The following TEX44 variants were observed in gnomAD, a reference collection of about 807,000 sequenced individuals.
TEX44 encodes the protein testis expressed 44.
For missense variants in TEX44, 487 were observed against 509.6 expected (o/e 0.96, Z 0.43); for synonymous variants, 196 against 205.9 (o/e 0.95, Z 0.41).
Position 231,593,681 on chromosome 2 carries a change from T to G in TEX44, c.730T>G (p.Ser244Ala). 1 of 1,612,556 alleles carries G rather than the reference T, an allele frequency of 6.2e-7. No individual in the cohort carries two copies. The highest frequency in any genetic ancestry group is 8.5e-7 in the Non-Finnish European group (1 of 1,180,008). The change falls in exon 1 of 1, where the codon TCC becomes GCC. Residue 244 changes from serine to alanine, a missense_variant. Transcript: ENST00000313965. Reference protein sequence around the residue: ...FFPPPPAGSVSPSPGPHEVAL... With the variant: ...FFPPPPAGSVAPSPGPHEVAL... Reference sequence around the variant, plus strand: ...CCCTCCACCTCCAGCAGGCAGTGTGTCCCCGTCGCCTGGCCCCCACGAGGT... The same window carrying G: ...CCCTCCACCTCCAGCAGGCAGTGTGGCCCCGTCGCCTGGCCCCCACGAGGT...
In TEX44 at chr2:231,593,944, C is replaced by T. The variant is rs1180654846; in HGVS notation, c.993C>T (p.Val331=). The change falls in exon 1 of 1, where the codon GTC becomes GTT. Residue 331 remains valine, a synonymous_variant. Transcript: ENST00000313965. Reference sequence around the variant, plus strand: ...GCTCGGGGCCCAGCTTGCGCTCGGTCCCCAGCCTGGTGGGAAGCGTCAGCT... The same window carrying T: ...GCTCGGGGCCCAGCTTGCGCTCGGTTCCCAGCCTGGTGGGAAGCGTCAGCT... ...LHSSGPSLRS[V]PSLVGSVSSA... is the part of the protein sequence containing the mutation. 3 of 1,609,702 alleles carry T rather than the reference C, an allele frequency of 1.9e-6. No homozygotes were observed. Among genetic ancestry groups the T allele is most frequent in the Non-Finnish European group, 2.5e-6 (3 of 1,179,978 alleles).
At position 231,593,831 on chromosome 2, in the gene TEX44, C is replaced by T; in HGVS notation, c.880C>T (p.Leu294=). The T allele has an allele frequency of 6.2e-7, 1 of 1,611,488 alleles. No homozygotes were observed. Among genetic ancestry groups the T allele is most frequent in the Non-Finnish European group, 8.5e-7 (1 of 1,180,010 alleles). Residue 294 remains leucine (L), a synonymous_variant, in exon 1 of 1, where the codon CTG becomes TTG. Coordinates refer to ENST00000313965, the MANE Select transcript of TEX44 (RefSeq NM_152614.3). Reference sequence around the variant, plus strand: ...CTCCATCAGCTCCCTGGCAGACATCCTGGTGTGGTCCGAGACCACCATGGG... The same window carrying T: ...CTCCATCAGCTCCCTGGCAGACATCTTGGTGTGGTCCGAGACCACCATGGG... The part of the protein sequence containing the change: ...EGSISSLADI[L]VWSETTMGMA...
At position 231,593,301 on chromosome 2, in the gene TEX44, C is replaced by A; in HGVS notation, c.350C>A (p.Thr117Lys). The A allele has an allele frequency of 6.2e-7, 1 of 1,614,180 alleles. No individual in the cohort carries two copies. Among genetic ancestry groups the A allele is most frequent in the East Asian group, 2.2e-5 (1 of 44,890 alleles). ...GACAGGCAGGTTCAAGACGCAAGGA[C>A]AAGTCAGAGTCTAGTGGTTTTCCCA... ...AWDRQVQDAR[T>K]SQSLVVFPSH... Residue 117 changes from threonine (T) to lysine (K), a missense_variant, in exon 1 of 1, where the codon ACA becomes AAA. Thr to Lys is a moderately conservative substitution (Grantham distance 78, BLOSUM62 -1). Coordinates refer to ENST00000313965, the MANE Select transcript of TEX44 (RefSeq NM_152614.3).
chr2:231,593,991 T>G lies in TEX44; in HGVS notation c.1040T>G (p.Val347Gly), dbSNP rs779081839. 39 of 1,610,698 alleles carry G rather than the reference T, an allele frequency of 2.4e-5. No homozygotes were observed. Among genetic ancestry groups the G allele is most frequent in the Non-Finnish European group, 3.2e-5 (38 of 1,179,984 alleles). ...SVSSAFSSGL[V>G]SGTSSALRTI... The stretch of plus-strand genomic sequence containing the variant: ...AGCTCGGCCTTCTCCTCTGGGCTGG[T>G]GTCAGGGACCAGCTCAGCCCTGCGC... The change falls in exon 1 of 1, where the codon GTG becomes GGG. Residue 347 changes from valine (V) to glycine (G), a missense_variant. Val to Gly is a moderately radical substitution (Grantham distance 109). Transcript: ENST00000313965.
In TEX44 at chr2:231,593,447, C is replaced by G; in HGVS notation, c.496C>G (p.Pro166Ala). The G allele has an allele frequency of 6.2e-7, 1 of 1,614,216 alleles. No individual in the cohort carries two copies. The highest frequency in any genetic ancestry group is 1.1e-5 in the South Asian group (1 of 91,088). ...LQSTQHMEAQ[P>A]VESDADHVTA... ...GTCCACCCAGCACATGGAGGCTCAG[C>G]CCGTCGAGAGTGATGCTGACCATGT... Residue 166 changes from proline to alanine, a missense_variant, in exon 1 of 1, where the codon CCC becomes GCC. Transcript: ENST00000313965.
chr2:231,594,137 T>C lies in TEX44; in HGVS notation c.1186T>C (p.Ter396GlnextTer?). The change falls in exon 1 of 1, where the codon TAG becomes CAG. Residue 396 changes from the stop codon to glutamine, a stop_lost. Transcript: ENST00000313965. ...RQAQADPNYD[*>Q] ...GGCCCAGGCTGACCCCAACTATGAT[T>C]AGAGCCCTGCACAGGGACCCCCGAA... 6.2e-7 allele frequency: 1 copy of C among 1,612,424 alleles called. No individual in the cohort carries two copies. Among genetic ancestry groups the C allele is most frequent in the Non-Finnish European group, 8.5e-7 (1 of 1,179,552 alleles).
Position 231,593,509 on chromosome 2 carries a change from T to G in TEX44, c.558T>G (p.Ala186=). The G allele has an allele frequency of 1.2e-6, 2 of 1,614,134 alleles. No homozygotes were observed. Among genetic ancestry groups the G allele is most frequent in the Middle Eastern group, 1.6e-4 (1 of 6,062 alleles). Residue 186 remains alanine (A), a synonymous_variant, in exon 1 of 1, where the codon GCT becomes GCG. Coordinates refer to ENST00000313965, the MANE Select transcript of TEX44 (RefSeq NM_152614.3). ...CCAATGGCCAGCATGGCCCTCAGGCTGCCAGCACCACCAAGTCTGCTGAGG... is the reference window on the plus strand; with the variant it reads ...CCAATGGCCAGCATGGCCCTCAGGCGGCCAGCACCACCAAGTCTGCTGAGG... ...AGANGQHGPQ[A]ASTTKSAEEK... is the part of the protein sequence containing the mutation.
Position 231,594,102 on chromosome 2 carries a change from C to A in TEX44, c.1151C>A (p.Thr384Asn), listed in dbSNP as rs2047783691. Residue 384 changes from threonine to asparagine, a missense_variant, in exon 1 of 1, where the codon ACC becomes AAC. Thr to Asn is a moderately conservative substitution (Grantham distance 65). Transcript: ENST00000313965. ...SAMRYLTSHLTPRQAQADPNY... is the reference protein window; with the variant it reads ...SAMRYLTSHLNPRQAQADPNY... Reference sequence around the variant, plus strand: ...ATGCGCTACCTGACCAGCCACCTCACCCCACGCCAGGCCCAGGCTGACCCC... The same window carrying A: ...ATGCGCTACCTGACCAGCCACCTCAACCCACGCCAGGCCCAGGCTGACCCC... 3.1e-6 allele frequency: 5 copies of A among 1,611,458 alleles called. No individual in the cohort carries two copies. Among genetic ancestry groups the A allele is most frequent in the Non-Finnish European group, 4.2e-6 (5 of 1,179,984 alleles).
chr2:231,594,263 C>T lies in TEX44; in HGVS notation c.*124C>T, dbSNP rs986324745. On this transcript the variant is annotated 3_prime_UTR_variant, in exon 1 of 1. Transcript: ENST00000313965. ...TTCCCCCAGCCCATGCAATAAATCA[C>T]CAGTGAGCATTTATTTCTAAGCACC... 1 of 793,556 alleles carries T rather than the reference C, an allele frequency of 1.3e-6. No individual in the cohort carries two copies. The highest frequency in any genetic ancestry group is 2.0e-6 in the Non-Finnish European group (1 of 497,820). 49.2% of individuals were successfully genotyped at this position (793,556 alleles called of 1,614,324 possible).
In TEX44 at chr2:231,593,666, C is replaced by T. The variant is rs146470940; in HGVS notation, c.715C>T (p.Pro239Ser). The T allele has an allele frequency of 1.9e-6, 3 of 1,613,302 alleles. No individual in the cohort carries two copies. The highest frequency in any genetic ancestry group is 2.5e-6 in the Non-Finnish European group (3 of 1,180,026). ...GCAGACTTGGTTCTTCCCTCCACCT[C>T]CAGCAGGCAGTGTGTCCCCGTCGCC... The part of the protein sequence containing the change: ...DLQTWFFPPP[P>S]AGSVSPSPGP... Residue 239 changes from proline to serine, a missense_variant, in exon 1 of 1, where the codon CCA becomes TCA. Pro to Ser is a moderately conservative substitution (Grantham distance 74). Coordinates refer to ENST00000313965, the MANE Select transcript of TEX44 (RefSeq NM_152614.3).
At position 231,594,144 on chromosome 2, in the gene TEX44, C is replaced by G; in HGVS notation, c.*5C>G. The G allele has an allele frequency of 6.2e-7, 1 of 1,611,068 alleles. No homozygotes were observed. Among genetic ancestry groups the G allele is most frequent in the Non-Finnish European group, 8.5e-7 (1 of 1,178,566 alleles). On this transcript the variant is annotated 3_prime_UTR_variant, in exon 1 of 1. Transcript: ENST00000313965. ...GCTGACCCCAACTATGATTAGAGCC[C>G]TGCACAGGGACCCCCGAAGGGCTGG...
rs1324355799 is a variant in TEX44 at position 231,593,007 on chromosome 2, G to C, written c.56G>C (p.Ser19Thr). Reference protein sequence around the residue: ...GNVDDSRSKDSPAGEPQGQVP... With the variant: ...GNVDDSRSKDTPAGEPQGQVP... ...GTGGATGACAGCAGGTCTAAGGACA[G>C]CCCAGCAGGAGAGCCCCAAGGTCAG... The change falls in exon 1 of 1, where the codon AGC (serine) becomes ACC (threonine). Residue 19 changes from serine (S) to threonine (T), a missense_variant. Transcript: ENST00000313965. 2 of 1,614,084 alleles carry C rather than the reference G, an allele frequency of 1.2e-6. No individual in the cohort carries two copies. The highest frequency in any genetic ancestry group is 1.7e-6 in the Non-Finnish European group (2 of 1,180,006).
Position 231,593,560 on chromosome 2 carries a change from A to G in TEX44, c.609A>G (p.Pro203=). 1 of 1,613,910 alleles carries G rather than the reference A, an allele frequency of 6.2e-7. No individual in the cohort carries two copies. The highest frequency in any genetic ancestry group is 8.5e-7 in the Non-Finnish European group (1 of 1,179,950). ...AEEKAEHPKA[P]HPEAEALPSD... Reference sequence around the variant, plus strand: ...AGAAAGCTGAGCATCCAAAGGCCCCACACCCTGAAGCTGAAGCTTTACCAT... The same window carrying G: ...AGAAAGCTGAGCATCCAAAGGCCCCGCACCCTGAAGCTGAAGCTTTACCAT... Residue 203 remains proline (P), a synonymous_variant, in exon 1 of 1, where the codon CCA becomes CCG. Transcript: ENST00000313965.
At chr2:231,592,953 TG>T in the TEX44 span, 1 of 1,613,014 alleles carries the variant, frequency 6.2e-7, no homozygotes, top group Non-Finnish European at 8.5e-7. Flanking sequence ...GCCCCATACA[TG>T]GCACTCCCAG....
At position 231,593,996 on chromosome 2, in the gene TEX44, G is replaced by A. The variant is rs755461995; in HGVS notation, c.1045G>A (p.Gly349Arg). ...GGCCTTCTCCTCTGGGCTGGTGTCA[G>A]GGACCAGCTCAGCCCTGCGCACCAT... ...SSAFSSGLVSGTSSALRTITR... is the reference protein window; with the variant it reads ...SSAFSSGLVSRTSSALRTITR... Residue 349 changes from glycine to arginine, a missense_variant, in exon 1 of 1, where the codon GGG becomes AGG. Physicochemically the swap from Gly to Arg is moderately radical, Grantham distance 125. Transcript: ENST00000313965. 3.7e-6 allele frequency: 6 copies of A among 1,611,036 alleles called. No homozygotes were observed. Among genetic ancestry groups the A allele is most frequent in the Middle Eastern group, 1.6e-4 (1 of 6,062 alleles).
In TEX44 at chr2:231,592,881, C is replaced by G. The variant is rs1383231620; in HGVS notation, c.-71C>G. 66 of 1,307,860 alleles carry G rather than the reference C, an allele frequency of 5.0e-5. No homozygotes were observed. Among genetic ancestry groups the G allele is most frequent in the Admixed American group, 1.8e-5 (1 of 54,818 alleles). The allele number at this position is 1,307,860 out of a possible 1,614,324, so 81.0% of individuals were successfully genotyped here. A position where few individuals can be genotyped will look rare whatever the true frequency, so the allele number is the denominator to read the frequency against. ...TTGCAGCCACTCCCTCCAACCGCCA[C>G]AAGCAGCAAAGGGCATAGATGACCA... On this transcript the variant is annotated 5_prime_UTR_variant, in exon 1 of 1. Coordinates refer to ENST00000313965, the MANE Select transcript of TEX44 (RefSeq NM_152614.3).
chr2:231,594,055 C>T lies in TEX44; in HGVS notation c.1104C>T (p.Thr368=), dbSNP rs760869633. Reference sequence around the variant, plus strand: ...TGCTGGAGACAGTGGAGCAGAGGACCGTGGAGGGCATCCGCTCAGCCATGC... The same window carrying T: ...TGCTGGAGACAGTGGAGCAGAGGACTGTGGAGGGCATCCGCTCAGCCATGC... ...TRVLETVEQR[T]VEGIRSAMRY... Residue 368 remains threonine, a synonymous_variant, in exon 1 of 1, where the codon ACC becomes ACT. Transcript: ENST00000313965. The T allele has an allele frequency of 1.6e-5, 26 of 1,612,202 alleles. No homozygotes were observed. The highest frequency in any genetic ancestry group is 5.0e-5 in the Admixed American group (3 of 59,970).
chr2:231,594,198 C>T lies in TEX44; in HGVS notation c.*59C>T, dbSNP rs2047784516. 7.1e-7 allele frequency: 1 copy of T among 1,412,688 alleles called. No individual in the cohort carries two copies. The highest frequency in any genetic ancestry group is 1.4e-5 in the African/African-American group (1 of 70,230). The allele number at this position is 1,412,688 out of a possible 1,614,324, so 87.5% of individuals were successfully genotyped here. A position where few individuals can be genotyped will look rare whatever the true frequency, so the allele number is the denominator to read the frequency against. ...AGTGGCCTCCAGAGATCCCTGGGAC[C>T]CTCACGCCCTGCTCCCTTGCCCATT... On this transcript the variant is annotated 3_prime_UTR_variant, in exon 1 of 1. Transcript: ENST00000313965.
chr2:231,593,434 C>T lies in TEX44; in HGVS notation c.483C>T (p.His161=). The T allele has an allele frequency of 6.2e-7, 1 of 1,614,248 alleles. No individual in the cohort carries two copies. The change falls in exon 1 of 1, where the codon CAC becomes CAT. Residue 161 remains histidine, a synonymous_variant. Coordinates refer to ENST00000313965, the MANE Select transcript of TEX44 (RefSeq NM_152614.3). The part of the protein sequence containing the change: ...APSAELQSTQ[H]MEAQPVESDA... ...GTGCTGAGCTACAGTCCACCCAGCA[C>T]ATGGAGGCTCAGCCCGTCGAGAGTG...
Sources: allele counts gnomAD v4.1 joint callset, GRCh38; gene constraint gnomAD v4.1.1; transcripts MANE v1.5; gene names NCBI Gene and HGNC (gene_info 2026-07-23, HGNC 2026-07-21).